EPB41L3: variants seen among roughly 807,000 people sequenced by gnomAD.
EPB41L3 encodes band 4.1-like protein 3.
EPB41L3 carries 57 observed loss-of-function variants against 127.1 expected under a neutral mutation model. The ratio of observed to expected loss-of-function variants is 0.45; its 90% CI spans 0.36 to 0.56. The LOEUF (loss-of-function observed/expected upper bound fraction) is 0.56. EPB41L3 is among the 20% of genes least tolerant of loss of function. The probability of loss-of-function intolerance (pLI) is 0.00; values close to 1 mark genes in which losing one functional copy is unlikely to be tolerated. For missense variants in EPB41L3, 1,273 were observed against 1,372.2 expected (o/e 0.93, Z 1.14); for synonymous variants, 572 against 549.5 (o/e 1.04, Z -0.57).
intron 3 of EPB41L3, among the ~76,000 whole-genome samples, chr18:5,560,482 A>C (rs996721239): frequency 2.6e-5 from 4 of 152,212 alleles, no homozygotes; most frequent in African/African-American, 4.8e-5. Context: ...TTCAAACTTA[A>C]TTCACTTTGC....
intron 1 of EPB41L3, among the ~76,000 whole-genome samples, chr18:5,492,810 G>A (rs2090749963): frequency 6.6e-6 from 1 of 152,132 alleles, no homozygotes; most frequent in Non-Finnish European, 1.5e-5. Flanking sequence ...ACATTCATAA[G>A]TATGCTAGGC....
intron 3 of EPB41L3, among the ~76,000 whole-genome samples, chr18:5,574,380 G>GTTTTTTTT (rs5822863): frequency 7.0e-6 from 1 of 142,484 alleles, no homozygotes; most frequent in Non-Finnish European, 1.5e-5. Context: ...GCTAGAATCA[G>GTTTTTTTT]TTTTTTTTTT....
chr18:5,561,122 C>G (rs559579204), intron 3 of EPB41L3, among the ~76,000 whole-genome samples: 14 of 149,288 alleles, frequency 9.4e-5, no homozygotes, highest in Admixed American at 4.7e-4. Flanking sequence ...GGACTACAGG[C>G]GCCCGCCACT....
At chr18:5,619,112 A>G (rs1339141429) in intron 1 of EPB41L3, among the ~76,000 whole-genome samples, 2 of 152,210 alleles carry the variant, frequency 1.3e-5, no homozygotes, top group Non-Finnish European at 2.9e-5. Flanking sequence ...TATGTATAAT[A>G]CAAGGACAAC....
intron 11 of EPB41L3, among the ~76,000 whole-genome samples, chr18:5,421,278 C>T (rs369206201): frequency 1.3e-4 from 20 of 151,758 alleles, no homozygotes; most frequent in African/African-American, 9.7e-5. Flanking sequence ...CTGGGGTGCA[C>T]GTCACTGAAC....
chr18:5,405,011 A>T (rs745314100), intron 16 of EPB41L3, among the ~76,000 whole-genome samples: 14 of 152,224 alleles, frequency 9.2e-5, no homozygotes, highest in Non-Finnish European at 1.6e-4. Context: ...ATGGTACAAG[A>T]ATATGGTGGT....
intron 3 of EPB41L3, among the ~76,000 whole-genome samples, chr18:5,557,988 GAAC>G (rs2094065439): frequency 6.6e-6 from 1 of 152,328 alleles, no homozygotes; most frequent in East Asian, 1.9e-4. Context: ...ACAAGATTTT[GAAC>G]AACAGAATCA....
chr18:5,589,792 G>A (rs1013688113), intron 3 of EPB41L3, among the ~76,000 whole-genome samples: 1 of 152,182 alleles, frequency 6.6e-6, no homozygotes, highest in African/African-American at 2.4e-5. Context: ...CTCCTGGCAG[G>A]AGAGTGACTT....
At chr18:5,497,391 A>G (rs2091279609) in intron 1 of EPB41L3, among the ~76,000 whole-genome samples, 1 of 152,194 alleles carries the variant, frequency 6.6e-6, no homozygotes, top group South Asian at 2.1e-4. Flanking sequence ...AAAATGCCAG[A>G]GCAAGGTAGC....
At chr18:5,567,771 T>C (rs2094226333) in intron 3 of EPB41L3, among the ~76,000 whole-genome samples, 1 of 152,220 alleles carries the variant, frequency 6.6e-6, no homozygotes, top group Non-Finnish European at 1.5e-5. Context: ...TAAGAGATTA[T>C]TTTCCAATAA....
At chr18:5,450,858 G>A (rs1669300248) in intron 3 of EPB41L3, among the ~76,000 whole-genome samples, 1 of 151,514 alleles carries the variant, frequency 6.6e-6, no homozygotes, top group South Asian at 2.1e-4. Context: ...TCTTTATGGT[G>A]TAATTTACCA....
chr18:5,500,333 A>G (rs1054039798), intron 1 of EPB41L3, among the ~76,000 whole-genome samples: 5 of 152,202 alleles, frequency 3.3e-5, no homozygotes, highest in Non-Finnish European at 5.9e-5. Flanking sequence ...ATTCCCCAAC[A>G]TCTGACTCTG....
chr18:5,397,932 G>T lies in EPB41L3; in HGVS notation c.2472+89C>A. The T allele has an allele frequency of 6.6e-7, 1 of 1,524,358 alleles. No individual in the cohort carries two copies. Among genetic ancestry groups the T allele is most frequent in the Non-Finnish European group, 9.0e-7 (1 of 1,110,862 alleles). 94.4% of individuals were successfully genotyped at this position (1,524,358 alleles called of 1,614,324 possible). ...GAGATGTTGAAGGCAAAGCCAGCTG[G>T]ATGCAACCACACACTCACGCCCAAA... On this transcript the variant is annotated intron_variant, in intron 17 of 22. Transcript: ENST00000341928. This position sits in a 1 kb window ranked among gnomAD's most constrained non-coding sequence, Gnocchi z 4.1.
chr18:5,566,793 C>T (rs367957402), intron 3 of EPB41L3, among the ~76,000 whole-genome samples: 1,425 of 87,398 alleles, frequency 0.016, 13 homozygotes, highest in Middle Eastern at 0.039. Flanking sequence ...TATTCTATTC[C>T]ATTCCATTCC....
intron 11 of EPB41L3, among the ~76,000 whole-genome samples, chr18:5,421,689 G>C (rs2077488498): frequency 6.6e-6 from 1 of 152,170 alleles, no homozygotes; most frequent in Non-Finnish European, 1.5e-5. Flanking sequence ...GGAGCTGAAG[G>C]TCATTATTCT....
intron 1 of EPB41L3, among the ~76,000 whole-genome samples, chr18:5,618,275 C>T (rs2094821001): frequency 6.6e-6 from 1 of 152,184 alleles, no homozygotes; most frequent in South Asian, 2.1e-4. Context: ...TTCCTATGCT[C>T]TTAGAAACAA....
At chr18:5,629,109 G>A (rs2144382618), upstream of EPB41L3, 1 of 152,388 alleles carries the variant, frequency 6.6e-6, no homozygotes. Flanking sequence ...CCGAGCCACG[G>A]GAAGATGCAA....
chr18:5,479,337 A>G (rs2087930587), intron 2 of EPB41L3, among the ~76,000 whole-genome samples: 1 of 152,234 alleles, frequency 6.6e-6, no homozygotes, highest in African/African-American at 2.4e-5. Flanking sequence ...GACATGCACC[A>G]GAATTCTGTT....
intron 1 of EPB41L3, among the ~76,000 whole-genome samples, chr18:5,495,445 C>T (rs1441631315): frequency 6.6e-6 from 1 of 151,008 alleles, no homozygotes; most frequent in Admixed American, 6.6e-5. Context: ...GGCCACAGGC[C>T]CCAGTCCCCT....
Sources: gnomAD v4.1 joint callset for allele counts (sites outside exome capture counted in the v4.1 genomes callset) on GRCh38, gnomAD v4.1.1 for gene constraint, Gnocchi (gnomAD v3.1) non-coding constraint, MANE v1.5 for transcripts, NCBI Gene and HGNC (gene_info 2026-07-23, HGNC 2026-07-21) for gene names.